The following PLD1 variants were observed in gnomAD, a reference collection of about 807,000 sequenced individuals.
PLD1 encodes the protein choline phosphatase 1.
PLD1 carries 112 observed loss-of-function variants against 137.1 expected under a neutral mutation model. The observed-to-expected ratio is 0.82, with a 90% CI of 0.70 to 0.96. The LOEUF (loss-of-function observed/expected upper bound fraction) is 0.96. PLD1 is among the 40% of genes least tolerant of loss of function. The pLI, the probability that PLD1 is intolerant of heterozygous loss-of-function variation, is 0.00. For missense variants in PLD1, 1,321 were observed against 1,342.0 expected, an observed-to-expected ratio of 0.98 and a Z score of 0.24; for synonymous variants, 431 against 454.7, an observed-to-expected ratio of 0.95 and a Z score of 0.66.
intron 23 of PLD1, among the ~76,000 whole-genome samples, chr3:171,642,542 C>G (rs1395459266): frequency 8.2e-6 from 1 of 122,674 alleles, no homozygotes; most frequent in Admixed American, 7.5e-5. Flanking sequence ...TAAAGAAGAA[C>G]AAACAACTAT....
intron 1 of PLD1, among the ~76,000 whole-genome samples, chr3:171,738,797 C>T (rs1427382525): frequency 2.0e-5 from 3 of 152,144 alleles, no homozygotes; most frequent in Admixed American, 6.6e-5. Flanking sequence ...TTTAATAACA[C>T]AAGTCGTTGC....
chr3:171,620,919 A>T (rs1733581429), intron 23 of PLD1, among the ~76,000 whole-genome samples: 1 of 151,930 alleles, frequency 6.6e-6, no homozygotes, highest in African/African-American at 2.4e-5. Context: ...GAATAGATTA[A>T]CCAAGACTTC....
chr3:171,747,040 A>G (rs1040549255), intron 1 of PLD1, among the ~76,000 whole-genome samples: 1 of 151,982 alleles, frequency 6.6e-6, no homozygotes, highest in African/African-American at 2.4e-5. Flanking sequence ...AGAAATGAAC[A>G]ACTCCAGACG....
intron 11 of PLD1, among the ~76,000 whole-genome samples, chr3:171,703,408 A>G (rs913115927): frequency 1.3e-5 from 2 of 152,224 alleles, no homozygotes; most frequent in Admixed American, 1.3e-4. Flanking sequence ...CTTTATTCGT[A>G]GATCACATAA....
At chr3:171,753,436 C>T (rs889981051) in intron 1 of PLD1, among the ~76,000 whole-genome samples, 6 of 152,210 alleles carry the variant, frequency 3.9e-5, no homozygotes, top group South Asian at 4.1e-4. Context: ...CCAGTGCAGC[C>T]GCTTTGCAGG....
intron 22 of PLD1, among the ~76,000 whole-genome samples, chr3:171,644,704 C>T (rs911561743): frequency 2.0e-5 from 3 of 152,116 alleles, no homozygotes; most frequent in South Asian, 2.1e-4. Flanking sequence ...TTTATGTTTG[C>T]CATGTGTCTT....
rs753025796 is a variant in PLD1, at chr3:171,674,499, C to G, written c.2229+1G>C. The G allele has an allele frequency of 6.6e-7, 1 of 1,507,930 alleles. No homozygotes were observed. Among genetic ancestry groups the G allele is most frequent in the Non-Finnish European group, 9.1e-7 (1 of 1,093,084 alleles). 93.4% of individuals were successfully genotyped at this position (1,507,930 alleles called of 1,614,324 possible). On this transcript the variant is annotated splice_donor_variant, in intron 19 of 26. Transcript: ENST00000351298. LOFTEE classifies it high-confidence loss of function. Reference sequence around the variant, plus strand: ...AAAAAGAAAAGCCAGAACTTACTTACCTGTACGTTAGCATGGACAGACCCA... The same window carrying G: ...AAAAAGAAAAGCCAGAACTTACTTAGCTGTACGTTAGCATGGACAGACCCA...
intron 25 of PLD1, 149 bp from the exon 26 acceptor site, chr3:171,605,565 G>A (rs953115803): frequency 3.3e-6 from 2 of 614,982 alleles, no homozygotes; most frequent in Non-Finnish European, 5.8e-6. Context: ...TATCCTCAGA[G>A]TGCCTGACAT....
At chr3:171,667,290 A>G (rs1242972345) in intron 19 of PLD1, among the ~76,000 whole-genome samples, 4 of 152,316 alleles carry the variant, frequency 2.6e-5, no homozygotes. Flanking sequence ...AACAGCAGGC[A>G]AGGAGCATCA....
intron 1 of PLD1, among the ~76,000 whole-genome samples, chr3:171,759,409 G>A (rs1054498198): frequency 3.9e-5 from 6 of 152,132 alleles, no homozygotes; most frequent in African/African-American, 1.2e-4. Context: ...ATTCAAGAAA[G>A]ATAATTTTAC....
At position 171,676,777 on chromosome 3, in the gene PLD1, C is replaced by A; in HGVS notation, c.2053G>T (p.Val685Phe). Residue 685 changes from valine (V) to phenylalanine (F), a missense_variant, in exon 18 of 27, where the codon GTC becomes TTC. Physicochemically the swap from Val to Phe is conservative, Grantham distance 50 (BLOSUM62 -1). Transcript: ENST00000351298. ...ACATCACGAGCCGCCTTCCCGTGGA[C>A]TGCAGAGGCAATGTCATGCCAGGGC... Reference protein sequence around the residue: ...RMPWHDIASAVHGKAARDVAR... With the variant: ...RMPWHDIASAFHGKAARDVAR... The A allele has an allele frequency of 6.2e-7, 1 of 1,614,212 alleles. No homozygotes were observed. The highest frequency in any genetic ancestry group is 8.5e-7 in the Non-Finnish European group (1 of 1,180,032).
chr3:171,639,612 TATATATAATATATATTC>T (rs1343063748), intron 23 of PLD1, among the ~76,000 whole-genome samples: 1 of 71,596 alleles, frequency 1.4e-5, no homozygotes, highest in Non-Finnish European at 2.3e-5. Flanking sequence ...TAATATATAT[TATATATAATATATATTC>T]TATATAATAT....
intron 23 of PLD1, among the ~76,000 whole-genome samples, chr3:171,641,762 AG>A (rs1349177564): frequency 3.9e-5 from 6 of 151,984 alleles, no homozygotes; most frequent in African/African-American, 1.4e-4. Flanking sequence ...TTCCATTACC[AG>A]TGCACCTTTG....
intron 7 of PLD1, 125 bp from the exon 8 acceptor site, chr3:171,724,913 C>A: frequency 1.4e-6 from 1 of 689,992 alleles, no homozygotes; most frequent in Non-Finnish European, 2.6e-6. Flanking sequence ...CCTACTCTCT[C>A]CTCCTCGCTC....
intron 11 of PLD1, among the ~76,000 whole-genome samples, chr3:171,705,138 C>A (rs929628573): frequency 6.6e-6 from 1 of 151,892 alleles, no homozygotes; most frequent in Non-Finnish European, 1.5e-5. Context: ...CCTGTCATAG[C>A]GGAAAGAGTC....
chr3:171,622,520 A>C lies in PLD1; in HGVS notation c.2594-2000T>G, dbSNP rs1008009645. On this transcript the variant is annotated intron_variant, in intron 23 of 26. Transcript: ENST00000351298. ...ATTGATCAATCTAGGGAGAAAAATA[A>C]TATAATTATTTTAACAGATGCTGGA... is the stretch of plus-strand genomic sequence containing the variant. Among the ~76,000 whole-genome samples the C allele has an allele frequency of 4.6e-5, 7 of 152,296 alleles. No homozygotes were observed. The South Asian group carries it at 8.3e-4, about 18-fold the overall frequency.
chr3:171,654,810 A>G (rs559396541), intron 21 of PLD1, among the ~76,000 whole-genome samples: 84 of 150,406 alleles, frequency 5.6e-4, no homozygotes, highest in Middle Eastern at 6.8e-3. Context: ...TTTTTTTTTT[A>G]TTCTGATTCC....
chr3:171,639,218 TA>T (rs1735424627), intron 23 of PLD1, among the ~76,000 whole-genome samples: 1 of 143,824 alleles, frequency 7.0e-6, no homozygotes, highest in Admixed American at 7.1e-5. Context: ...ATATAGCACA[TA>T]AAATATATAT....
At chr3:171,727,327 C>T (rs1375547622) in intron 6 of PLD1, among the ~76,000 whole-genome samples, 1 of 152,054 alleles carries the variant, frequency 6.6e-6, no homozygotes, top group Non-Finnish European at 1.5e-5. Flanking sequence ...GCCCTCAAAA[C>T]CAAGCTGGAA....
Sources: allele counts gnomAD v4.1 joint callset (sites outside exome capture counted in the v4.1 genomes callset), GRCh38; gene constraint gnomAD v4.1.1; transcripts MANE v1.5; gene names NCBI Gene and HGNC (gene_info 2026-07-23, HGNC 2026-07-21).